CACNA2D1: variants seen among roughly 807,000 people sequenced by gnomAD.
CACNA2D1 encodes the protein voltage-dependent calcium channel subunit alpha-2/delta-1.
In CACNA2D1, 53 loss-of-function variants were observed where a neutral mutation model predicts 171.5. The observed-to-expected ratio is 0.31, with a 90% CI of 0.25 to 0.39. The LOEUF (loss-of-function observed/expected upper bound fraction) is 0.39. Ranked by LOEUF, CACNA2D1 falls within the 10% of genes least tolerant of loss-of-function variation. The pLI is 1.00. For synonymous variants in CACNA2D1, 442 were observed against 443.1 expected (o/e 1.00, Z 0.03); for missense variants, 903 against 1,299.8 (o/e 0.69, Z 4.69).
chr7:82,411,895 T>TCTCCCACACACACACACA (rs1554548045), intron 1 of CACNA2D1, among the ~76,000 whole-genome samples: 1 of 144,790 alleles, frequency 6.9e-6, no homozygotes, highest in East Asian at 2.0e-4. Flanking sequence ...AAACTAAATC[T>TCTCCCACACACACACACA]CACACACACA....
chr7:82,243,267 G>C (rs1804530043), intron 3 of CACNA2D1, among the ~76,000 whole-genome samples: 2 of 152,184 alleles, frequency 1.3e-5, no homozygotes, highest in African/African-American at 4.8e-5. Context: ...CCACCCTTCA[G>C]AGGCACCATT....
chr7:82,105,398 C>CTTTTTTTTTTTT (rs572031121), intron 6 of CACNA2D1, among the ~76,000 whole-genome samples: 22 of 99,468 alleles, frequency 2.2e-4, no homozygotes, highest in South Asian at 4.0e-4. Flanking sequence ...CAGTTTTTGT[C>CTTTTTTTTTTTT]TTTTTTTTTT....
chr7:82,097,840 C>T (rs960327870), intron 6 of CACNA2D1, among the ~76,000 whole-genome samples: 1 of 151,968 alleles, frequency 6.6e-6, no homozygotes, highest in Non-Finnish European at 1.5e-5. Flanking sequence ...AAGGACAGGT[C>T]CAGTAGCTCA....
chr7:82,331,173 T>C (rs1460687256), intron 3 of CACNA2D1, among the ~76,000 whole-genome samples: 1 of 152,096 alleles, frequency 6.6e-6, no homozygotes, highest in Non-Finnish European at 1.5e-5. Flanking sequence ...AATAATGGTG[T>C]CTCTACCATA....
intron 38 of CACNA2D1, among the ~76,000 whole-genome samples, chr7:81,955,616 GAGATC>G (rs1298154227): frequency 2.0e-5 from 3 of 151,530 alleles, no homozygotes; most frequent in Admixed American, 1.3e-4. Flanking sequence ...TTTCTTTTTG[GAGATC>G]AGAAGGATAT....
At chr7:82,145,160 C>A (rs1441439667) in intron 4 of CACNA2D1, among the ~76,000 whole-genome samples, 1 of 149,532 alleles carries the variant, frequency 6.7e-6, no homozygotes, top group East Asian at 2.0e-4. Context: ...ATACTTATAC[C>A]TCCTGTGTAC....
chr7:82,208,977 A>T (rs1478315620), intron 3 of CACNA2D1, among the ~76,000 whole-genome samples: 1 of 152,206 alleles, frequency 6.6e-6, no homozygotes, highest in Non-Finnish European at 1.5e-5. Flanking sequence ...AAGTTAATTG[A>T]TTTTAAAAAG....
intron 3 of CACNA2D1, among the ~76,000 whole-genome samples, chr7:82,263,261 A>T (rs1807371993): frequency 6.6e-6 from 1 of 151,856 alleles, no homozygotes; most frequent in Non-Finnish European, 1.5e-5. Context: ...GGTGCGCACC[A>T]CCAAGCCTGG....
At chr7:82,293,353 A>G (rs1329008777) in intron 3 of CACNA2D1, among the ~76,000 whole-genome samples, 3 of 152,158 alleles carry the variant, frequency 2.0e-5, no homozygotes, top group South Asian at 4.1e-4. Flanking sequence ...GCTTTCTTCA[A>G]TCATACATAA....
intron 1 of CACNA2D1, among the ~76,000 whole-genome samples, chr7:82,351,247 T>G (rs1819812076): frequency 6.6e-6 from 1 of 151,586 alleles, no homozygotes. Flanking sequence ...GTAGTATAAA[T>G]ATAAATTTTT....
chr7:82,117,170 C>G lies in CACNA2D1; in HGVS notation c.400G>C (p.Glu134Gln). 6.2e-7 allele frequency: 1 copy of G among 1,613,496 alleles called. No individual in the cohort carries two copies. Among genetic ancestry groups the G allele is most frequent in the Non-Finnish European group, 8.5e-7 (1 of 1,179,708 alleles). Residue 134 changes from glutamate to glutamine, a missense_variant, in exon 6 of 39, where the codon GAG becomes CAG. Physicochemically the swap from Glu to Gln is conservative, Grantham distance 29. This residue lies in a region of CACNA2D1 where 189 missense variants were observed against 266.8 expected (regional missense o/e 0.71). Transcript: ENST00000356860. Reference sequence around the variant, plus strand: ...CTGCCTGGCTCACTGTCATTTTTCTCAGGCTATATAGAAAAAGAATAAACA... The same window carrying G: ...CTGCCTGGCTCACTGTCATTTTTCTGAGGCTATATAGAAAAAGAATAAACA... ...YYNAKDDLDP[E>Q]KNDSEPGSQR...
chr7:82,001,683 T>C, intron 18 of CACNA2D1: 1 of 1,268,956 alleles, frequency 7.9e-7, no homozygotes, highest in Non-Finnish European at 1.0e-6. Context: ...TCCTTTTTCT[T>C]AAATTAATTG....
intron 3 of CACNA2D1, among the ~76,000 whole-genome samples, chr7:82,332,871 T>A (rs1817547963): frequency 6.6e-6 from 1 of 152,114 alleles, no homozygotes; most frequent in South Asian, 2.1e-4. Context: ...TGGTGGTACA[T>A]GCCTGTAGTC....
intron 3 of CACNA2D1, among the ~76,000 whole-genome samples, chr7:82,310,403 G>GA (rs1409267115): frequency 1.3e-5 from 2 of 151,854 alleles, no homozygotes; most frequent in Non-Finnish European, 2.9e-5. Flanking sequence ...AAAATTAAGG[G>GA]AAAAATGATG....
intron 1 of CACNA2D1, among the ~76,000 whole-genome samples, chr7:82,396,662 T>C (rs1196433773): frequency 6.6e-6 from 1 of 152,234 alleles, no homozygotes; most frequent in Non-Finnish European, 1.5e-5. Flanking sequence ...AAGCTCATTA[T>C]TATCTTGAAG....
intron 1 of CACNA2D1, among the ~76,000 whole-genome samples, chr7:82,437,094 G>C (rs919773736): frequency 6.6e-6 from 1 of 152,046 alleles, no homozygotes. Flanking sequence ...ATCTGAAACA[G>C]GGAGCACAGA....
chr7:81,972,740 T>C (rs1374615719), intron 25 of CACNA2D1, among the ~76,000 whole-genome samples: 3 of 151,972 alleles, frequency 2.0e-5, no homozygotes, highest in Non-Finnish European at 4.4e-5. Flanking sequence ...CCCTCTGAAA[T>C]TGCACATTTA....
intron 7 of CACNA2D1, 63 bp from the exon 8 acceptor site, chr7:82,066,587 A>G: frequency 1.3e-6 from 2 of 1,528,732 alleles, no homozygotes; most frequent in South Asian, 1.3e-5. Context: ...AAAAATAATG[A>G]GACTTTAAAA....
chr7:82,295,520 T>G (rs1190706615), intron 3 of CACNA2D1, among the ~76,000 whole-genome samples: 3 of 151,742 alleles, frequency 2.0e-5, no homozygotes, highest in African/African-American at 7.3e-5. Flanking sequence ...ATTTCTTTCT[T>G]TCTTTTTTTT....
Sources: gnomAD v4.1 joint callset for allele counts (sites outside exome capture counted in the v4.1 genomes callset) on GRCh38, gnomAD v4.1.1 for gene constraint, gnomAD v4.1.1 regional missense constraint, MANE v1.5 for transcripts, NCBI Gene and HGNC (gene_info 2026-07-23, HGNC 2026-07-21) for gene names.